MAGI1: variants seen among roughly 807,000 people sequenced by gnomAD.
MAGI1 encodes membrane-associated guanylate kinase, WW and PDZ domain-containing protein 1.
Under a neutral mutation model 139.9 loss-of-function variants are expected in MAGI1, and 58 were observed. That is an observed-to-expected ratio of 0.41 (90% CI 0.34 to 0.52). The LOEUF (loss-of-function observed/expected upper bound fraction) is 0.52, where lower values mean the gene tolerates loss of function less well. MAGI1 is among the 20% of genes least tolerant of loss of function. The probability of loss-of-function intolerance (pLI) is 0.12; values close to 1 mark genes in which losing one functional copy is unlikely to be tolerated. For synonymous variants in MAGI1, 812 were observed against 737.9 expected, an observed-to-expected ratio of 1.10 and a Z score of -1.63; for missense variants, 1,874 against 1,901.6, an observed-to-expected ratio of 0.99 and a Z score of 0.27.
At chr3:65,853,453 C>T (rs1221124279) in intron 1 of MAGI1, among the ~76,000 whole-genome samples, 1 of 152,206 alleles carries the variant, frequency 6.6e-6, no homozygotes, top group Non-Finnish European at 1.5e-5. Context: ...AAATTTTTAA[C>T]ACGAGTTCCA....
At chr3:65,720,082 A>G (rs1168592415) in intron 1 of MAGI1, 1 of 152,222 alleles carries the variant, frequency 6.6e-6, no homozygotes, top group Non-Finnish European at 1.5e-5. Context: ...TGTAAGTTCC[A>G]CGAAGGCAAG....
intron 16 of MAGI1, among the ~76,000 whole-genome samples, chr3:65,380,400 A>G (rs555584977): frequency 6.6e-6 from 1 of 152,334 alleles, no homozygotes; most frequent in South Asian, 2.1e-4. Flanking sequence ...CATACAGTTG[A>G]GTGGTATTAA....
intron 12 of MAGI1, 130 bp from the exon 13 acceptor site, chr3:65,401,600 T>G: frequency 6.4e-7 from 1 of 1,551,500 alleles, no homozygotes; most frequent in Non-Finnish European, 8.7e-7. Flanking sequence ...GTCAGATTTC[T>G]CCCCAGCATC....
chr3:65,439,718 T>C (rs6445477), intron 9 of MAGI1, among the ~76,000 whole-genome samples, 161 bp downstream of exon 9: 148,678 of 152,230 alleles, frequency 0.98, 72,629 homozygotes, highest in Middle Eastern at 0.99. Context: ...CAGAGGAACA[T>C]GGAGAGGGGG....
intron 5 of MAGI1, among the ~76,000 whole-genome samples, chr3:65,461,343 G>A (rs1949774256): frequency 6.6e-6 from 1 of 152,020 alleles, no homozygotes; most frequent in Non-Finnish European, 1.5e-5. Flanking sequence ...AGTCTCCTGA[G>A]TAGCTGGAAC....
At position 65,493,500 on chromosome 3, in the gene MAGI1, C is replaced by G. The variant is rs756592427; in HGVS notation, c.550+12G>C. 5 of 1,613,980 alleles carry G rather than the reference C, an allele frequency of 3.1e-6. No homozygotes were observed. Among genetic ancestry groups the G allele is most frequent in the African/African-American group, 1.3e-5 (1 of 74,892 alleles). On this transcript the variant is annotated intron_variant, in intron 3 of 22. Coordinates refer to ENST00000402939, the MANE Select transcript of MAGI1 (RefSeq NM_001033057.2). ...GAGAGAAGCTTTTTATGCTGTCGTA[C>G]AAGTAACTCACCTTCATAGGTGCCG...
At chr3:65,984,440 G>C (rs976171103) in intron 1 of MAGI1, among the ~76,000 whole-genome samples, 1 of 151,840 alleles carries the variant, frequency 6.6e-6, no homozygotes, top group South Asian at 2.1e-4. Flanking sequence ...GAACTGTGAT[G>C]ACCAATCTGC....
chr3:65,656,514 T>C (rs532315663), intron 1 of MAGI1, among the ~76,000 whole-genome samples: 28 of 152,250 alleles, frequency 1.8e-4, no homozygotes, highest in African/African-American at 6.0e-4. Context: ...TAAAATGTTA[T>C]GGAATATAAG....
chr3:65,940,038 C>T (rs540735687), intron 1 of MAGI1, among the ~76,000 whole-genome samples: 1 of 152,264 alleles, frequency 6.6e-6, no homozygotes, highest in Admixed American at 6.5e-5. Context: ...TCATCCCTAC[C>T]TCTTTAATCC....
chr3:65,972,788 A>C (rs2065070795), intron 1 of MAGI1, among the ~76,000 whole-genome samples: 1 of 152,212 alleles, frequency 6.6e-6, no homozygotes, highest in Non-Finnish European at 1.5e-5. Flanking sequence ...CCTCAGAACA[A>C]CACAAAAACA....
chr3:65,510,468 T>C (rs1363246668), intron 2 of MAGI1, among the ~76,000 whole-genome samples: 7 of 148,520 alleles, frequency 4.7e-5, no homozygotes, highest in South Asian at 2.2e-4. Context: ...AAGGAGCTGA[T>C]GGAGCTGAAA....
Position 65,825,480 on chromosome 3 carries a change from C to T in MAGI1, c.314-203392G>A, listed in dbSNP as rs146943489. Among the ~76,000 whole-genome samples, 8 of 152,248 alleles carry T rather than the reference C, an allele frequency of 5.3e-5. No homozygotes were observed. The East Asian group carries it at 1.4e-3, about 26-fold the overall frequency. ...GTGGATACATTGACACCATGGAAAT[C>T]GGCAAGTGCTATAAATCAGAGCTCT... On this transcript the variant is annotated intron_variant, in intron 1 of 22. Transcript: ENST00000402939.
chr3:65,474,710 C>T (rs1398088235), intron 4 of MAGI1, among the ~76,000 whole-genome samples: 1 of 152,106 alleles, frequency 6.6e-6, no homozygotes, highest in East Asian at 1.9e-4. Flanking sequence ...ATTTCTGAAG[C>T]TCGTTTTAAA....
At chr3:65,743,951 T>TA (rs1429364093) in intron 1 of MAGI1, among the ~76,000 whole-genome samples, 4 of 137,358 alleles carry the variant, frequency 2.9e-5, no homozygotes, top group Non-Finnish European at 6.4e-5. Context: ...TTTGTTATTC[T>TA]AAAACTTTAA....
intron 1 of MAGI1, among the ~76,000 whole-genome samples, chr3:65,816,105 C>T (rs906805437): frequency 6.6e-5 from 10 of 152,124 alleles, no homozygotes; most frequent in African/African-American, 2.4e-4. Flanking sequence ...GGGTCCGAGC[C>T]CCCTCCCCCT....
At chr3:65,718,898 C>T (rs1305004130) in intron 1 of MAGI1, among the ~76,000 whole-genome samples, 2 of 151,386 alleles carry the variant, frequency 1.3e-5, no homozygotes, top group Admixed American at 1.3e-4. Context: ...TCCTTCCTCC[C>T]TTCCTTTCAA....
At chr3:65,865,855 G>T (rs1393275498) in intron 1 of MAGI1, among the ~76,000 whole-genome samples, 2 of 152,104 alleles carry the variant, frequency 1.3e-5, no homozygotes, top group African/African-American at 2.4e-5. Context: ...GGCCAGGCTG[G>T]TCTCGAACTC....
chr3:65,660,833 T>A (rs1021696), intron 1 of MAGI1, among the ~76,000 whole-genome samples: 2 of 151,948 alleles, frequency 1.3e-5, no homozygotes, highest in African/African-American at 2.4e-5. Flanking sequence ...GCTATTACAA[T>A]ACTTTGGACC....
At chr3:65,877,561 T>C (rs1167574020) in intron 1 of MAGI1, among the ~76,000 whole-genome samples, 1 of 152,158 alleles carries the variant, frequency 6.6e-6, no homozygotes, top group Non-Finnish European at 1.5e-5. Context: ...GTCTTAGCTC[T>C]CAGACATGAA....
Sources: allele counts gnomAD v4.1 joint callset (sites outside exome capture counted in the v4.1 genomes callset), GRCh38; gene constraint gnomAD v4.1.1; transcripts MANE v1.5; gene names NCBI Gene and HGNC (gene_info 2026-07-23, HGNC 2026-07-21).